Variants in SPIDR observed in about 807,000 individuals in gnomAD.
SPIDR encodes DNA repair-scaffolding protein.
In SPIDR, 93 loss-of-function variants were observed where a neutral mutation model predicts 104.6. The observed-to-expected ratio is 0.89, with a 90% CI of 0.75 to 1.06. SPIDR has a LOEUF of 1.06. SPIDR is among the 50% of genes least tolerant of loss of function. The probability of loss-of-function intolerance (pLI) is 0.00; values close to 1 mark genes in which losing one functional copy is unlikely to be tolerated. For missense variants in SPIDR, 1,154 were observed against 1,111.2 expected (o/e 1.04, Z -0.55); for synonymous variants, 431 against 416.9 (o/e 1.03, Z -0.41).
chr8:47,656,917 C>G (rs2072927167), intron 10 of SPIDR, among the ~76,000 whole-genome samples: 1 of 152,182 alleles, frequency 6.6e-6, no homozygotes, highest in Non-Finnish European at 1.5e-5. Context: ...TAGAAGGCCA[C>G]ATATCATATG....
intron 8 of SPIDR, among the ~76,000 whole-genome samples, chr8:47,503,645 A>T (rs2080950944): frequency 6.6e-6 from 1 of 152,126 alleles, no homozygotes; most frequent in African/African-American, 2.4e-5. Flanking sequence ...TTTAAGGTTA[A>T]TATTGTTATG....
chr8:47,297,476 C>CT (rs1179677563), intron 5 of SPIDR, among the ~76,000 whole-genome samples: 1 of 151,554 alleles, frequency 6.6e-6, no homozygotes, highest in Non-Finnish European at 1.5e-5. Context: ...TATTATTATA[C>CT]TTTAAGTTTT....
chr8:47,282,677 C>G (rs1312767392), intron 2 of SPIDR, among the ~76,000 whole-genome samples: 3 of 152,142 alleles, frequency 2.0e-5, no homozygotes, highest in Admixed American at 2.0e-4. Context: ...AGCAATAATG[C>G]TGTCTTACTT....
chr8:47,327,130 A>G (rs1194012705), intron 5 of SPIDR, among the ~76,000 whole-genome samples: 8 of 152,200 alleles, frequency 5.3e-5, no homozygotes, highest in African/African-American at 1.9e-4. Context: ...CCCACTTAAA[A>G]AAAAAATCCT....
At chr8:47,403,739 G>C (rs898117780) in intron 6 of SPIDR, among the ~76,000 whole-genome samples, 1 of 152,204 alleles carries the variant, frequency 6.6e-6, no homozygotes, top group Non-Finnish European at 1.5e-5. Context: ...CATGCTCTTG[G>C]ATAGGAAGAA....
At chr8:47,610,594 G>A (rs140160247) in intron 10 of SPIDR, among the ~76,000 whole-genome samples, 1 of 152,204 alleles carries the variant, frequency 6.6e-6, no homozygotes, top group Non-Finnish European at 1.5e-5. Flanking sequence ...CCAGCTGGCG[G>A]GTTTGGTAGG....
intron 8 of SPIDR, among the ~76,000 whole-genome samples, chr8:47,492,540 T>A (rs1245461809): frequency 6.6e-6 from 1 of 152,234 alleles, no homozygotes. Context: ...TCCTCCAGAA[T>A]GACTCTTTGG....
rs969184352 is a variant in SPIDR, at chr8:47,260,980, C to G, written c.22C>G (p.Arg8Gly). Reference protein sequence around the residue: MPRGSRARGSKRKRSWNT... With the variant: MPRGSRAGGSKRKRSWNT... ...GGAGATGCCCCGCGGCAGCCGCGCT[C>G]GGGGCTCTAAGGTAGGCTCTGGGGC... The change falls in exon 1 of 20, where the codon CGG (arginine) becomes GGG (glycine). Residue 8 changes from arginine to glycine, a missense_variant. Coordinates refer to ENST00000297423, the MANE Select transcript of SPIDR (RefSeq NM_001080394.4). 2.1e-5 allele frequency: 26 copies of G among 1,230,428 alleles called. No individual in the cohort carries two copies. In the Admixed American group the frequency reaches 3.4e-4, roughly 16 times the overall value. The allele number at this position is 1,230,428 out of a possible 1,614,324, so 76.2% of individuals were successfully genotyped here.
At chr8:47,730,618 T>C (rs1461322860) in intron 19 of SPIDR, among the ~76,000 whole-genome samples, 1 of 152,180 alleles carries the variant, frequency 6.6e-6, no homozygotes, top group Non-Finnish European at 1.5e-5. Context: ...TCTTACTCTG[T>C]CATCCAGGCT....
chr8:47,483,093 G>A (rs567510016), intron 8 of SPIDR, among the ~76,000 whole-genome samples: 40 of 152,000 alleles, frequency 2.6e-4, no homozygotes, highest in Non-Finnish European at 4.6e-4. Flanking sequence ...TATAGAGACC[G>A]TGCTCTTTCC....
At chr8:47,364,540 G>A (rs1348894321) in intron 5 of SPIDR, among the ~76,000 whole-genome samples, 3 of 152,294 alleles carry the variant, frequency 2.0e-5, no homozygotes, top group East Asian at 3.9e-4. Context: ...TAGTTGGTTC[G>A]GGGTGCGCAG....
rs550792634 is a variant in SPIDR at position 47,262,132 on chromosome 8, A to T, written c.33+1141A>T. Among the ~76,000 whole-genome samples, 4 of 152,320 alleles carry T rather than the reference A, an allele frequency of 2.6e-5. No homozygotes were observed. The East Asian group carries it at 7.7e-4, about 29-fold the overall frequency. On this transcript the variant is annotated intron_variant, in intron 1 of 19. Coordinates refer to ENST00000297423, the MANE Select transcript of SPIDR (RefSeq NM_001080394.4). ...TGCTTTGGACAATGTCATACATTGA[A>T]GTTAACTATATAGATGACTTTCAGA... is the stretch of plus-strand genomic sequence containing the variant.
intron 10 of SPIDR, 186 bp from the exon 11 acceptor site, chr8:47,673,615 A>G: frequency 2.7e-6 from 2 of 734,276 alleles, no homozygotes. Flanking sequence ...TGACTCACCC[A>G]TTTAGGAAGA....
At chr8:47,531,444 C>T (rs1354899712) in intron 8 of SPIDR, among the ~76,000 whole-genome samples, 1 of 152,064 alleles carries the variant, frequency 6.6e-6, no homozygotes, top group African/African-American at 2.4e-5. Context: ...AGAAATATAT[C>T]CATGGTAGAT....
intron 19 of SPIDR, chr8:47,732,465 A>AT (rs1227541639): frequency 4.3e-6 from 2 of 466,636 alleles, no homozygotes; most frequent in Non-Finnish European, 7.7e-6. Context: ...CAGCCTTAGT[A>AT]TCACCTTTTT....
At chr8:47,577,480 TGGG>T (rs1265654195) in intron 8 of SPIDR, among the ~76,000 whole-genome samples, 2 of 152,244 alleles carry the variant, frequency 1.3e-5, no homozygotes, top group African/African-American at 4.8e-5. Context: ...TTGAACTGTG[TGGG>T]TCCACTTGTA....
intron 1 of SPIDR, among the ~76,000 whole-genome samples, chr8:47,271,278 C>T (rs1489628042): frequency 6.6e-6 from 1 of 152,102 alleles, no homozygotes; most frequent in Non-Finnish European, 1.5e-5. Flanking sequence ...GCATTTTGGG[C>T]TTTGTTTCTT....
chr8:47,291,854 C>T (rs1297046258), intron 4 of SPIDR, among the ~76,000 whole-genome samples: 4 of 152,136 alleles, frequency 2.6e-5, no homozygotes, highest in Admixed American at 6.5e-5. Context: ...ATTCAGATGG[C>T]GTTTTATATT....
chr8:47,656,555 A>G (rs913052288), intron 10 of SPIDR, among the ~76,000 whole-genome samples: 2 of 152,208 alleles, frequency 1.3e-5, no homozygotes, highest in Non-Finnish European at 1.5e-5. Flanking sequence ...TTGGCACACT[A>G]CTAGTGAGAA....
Sources: allele counts gnomAD v4.1 joint callset (sites outside exome capture counted in the v4.1 genomes callset), GRCh38; gene constraint gnomAD v4.1.1; transcripts MANE v1.5; gene names NCBI Gene and HGNC (gene_info 2026-07-23, HGNC 2026-07-21).